Variants in ZNF565 observed in about 807,000 individuals in gnomAD.
The protein encoded by ZNF565 is zinc finger protein 565.
ZNF565 carries 27 observed loss-of-function variants against 39.4 expected under a neutral mutation model. The observed-to-expected ratio is 0.69, with a 90% CI of 0.51 to 0.95. ZNF565 has a LOEUF of 0.95. Among genes scored for constraint, ZNF565 ranks in the 40% least tolerant of loss-of-function variants. ZNF565 has a pLI of 0.00. For synonymous variants in ZNF565, 185 were observed against 216.6 expected, an observed-to-expected ratio of 0.85 and a Z score of 1.28; for missense variants, 524 against 621.1, an observed-to-expected ratio of 0.84 and a Z score of 1.66.
At chr19:36,229,509 GTTT>G (rs1386542141) in intron 1 of ZNF565, among the ~76,000 whole-genome samples, 1 of 152,176 alleles carries the variant, frequency 6.6e-6, no homozygotes, top group South Asian at 2.1e-4. Flanking sequence ...TAGTCCTGCA[GTTT>G]TTTTGCAAAG....
chr19:36,183,544 G>A lies in ZNF565; in HGVS notation c.422C>T (p.Thr141Ile). The A allele has an allele frequency of 1.2e-6, 2 of 1,614,192 alleles. No individual in the cohort carries two copies. The highest frequency in any genetic ancestry group is 2.7e-5 in the African/African-American group (2 of 75,062). Residue 141 changes from threonine (T) to isoleucine (I), a missense_variant, in exon 5 of 5, where the codon ACC (threonine) becomes ATC (isoleucine). Coordinates refer to ENST00000304116, the MANE Select transcript of ZNF565 (RefSeq NM_152477.5). ...EECYFKQVNV[T>I]YGHMPVFQHH... The stretch of plus-strand genomic sequence containing the variant: ...CTGGAACACGGGCATATGTCCATAG[G>A]TGACGTTCACTTGCTTAAAATAGCA...
intron 4 of ZNF565, among the ~76,000 whole-genome samples, chr19:36,185,674 GCTT>G (rs1427792191): frequency 2.0e-5 from 3 of 150,026 alleles, no homozygotes; most frequent in Admixed American, 6.7e-5. Context: ...GCTTTTTGCT[GCTT>G]TTCTCATCCT....
At chr19:36,203,842 G>A (rs998865299) in intron 1 of ZNF565, among the ~76,000 whole-genome samples, 1 of 152,128 alleles carries the variant, frequency 6.6e-6, no homozygotes, top group Non-Finnish European at 1.5e-5. Context: ...CTCCCAAAGT[G>A]TTGGGGTTAG....
At chr19:36,187,793 A>G (rs1199138845) in intron 4 of ZNF565, among the ~76,000 whole-genome samples, 2 of 151,206 alleles carry the variant, frequency 1.3e-5, no homozygotes, top group Non-Finnish European at 2.9e-5. Context: ...GTGTGCCACC[A>G]CGCCTGGCTG....
chr19:36,218,127 CAT>C (rs1415078401), upstream of ZNF565: 3 of 114,032 alleles, frequency 2.6e-5, no homozygotes, highest in Non-Finnish European at 5.3e-5. Context: ...TAAAGGAAGA[CAT>C]AGGCCAAGGA....
chr19:36,228,299 T>A (rs1977172036), intron 1 of ZNF565, among the ~76,000 whole-genome samples: 2 of 152,224 alleles, frequency 1.3e-5, no homozygotes, highest in Non-Finnish European at 2.9e-5. Context: ...GTGCTTTAGT[T>A]CTGATGGGAA....
chr19:36,183,814 C>T (rs1017326452), intron 4 of ZNF565, 81 bp from the exon 5 acceptor site: 8 of 1,282,064 alleles, frequency 6.2e-6, no homozygotes, highest in African/African-American at 3.0e-5. Flanking sequence ...AGGCCAGGCA[C>T]GGTGGCTCAC....
At chr19:36,233,108 G>T (rs1344345924) in intron 1 of ZNF565, among the ~76,000 whole-genome samples, 1 of 152,214 alleles carries the variant, frequency 6.6e-6, no homozygotes, top group Non-Finnish European at 1.5e-5. Flanking sequence ...TCCTGGCCAG[G>T]CGTGGTGGCT....
At position 36,183,480 on chromosome 19, in the gene ZNF565, A is replaced by G. The variant is rs1303389339; in HGVS notation, c.486T>C (p.Thr162=). 28 of 1,614,118 alleles carry G rather than the reference A, an allele frequency of 1.7e-5. No homozygotes were observed. The highest frequency in any genetic ancestry group is 3.3e-5 in the Admixed American group (2 of 59,994). Reference sequence around the variant, plus strand: ...CATGACATTCCATCAGTTTCTCACCAGTCTCCCTGCTCTGACGTACAGTGT... The same window carrying G: ...CATGACATTCCATCAGTTTCTCACCGGTCTCCCTGCTCTGACGTACAGTGT... ...TSHTVRQSRE[T]GEKLMECHEC... is the part of the protein sequence containing the mutation. Residue 162 remains threonine, a synonymous_variant, in exon 5 of 5, where the codon ACT becomes ACC. Transcript: ENST00000304116.
At chr19:36,208,883 A>G (rs1410177812) in intron 1 of ZNF565, among the ~76,000 whole-genome samples, 1 of 152,178 alleles carries the variant, frequency 6.6e-6, no homozygotes, top group African/African-American at 2.4e-5. Flanking sequence ...CTCAGGCTGC[A>G]GTGCAGTGGC....
chr19:36,205,031 A>T (rs1018899532), intron 1 of ZNF565, among the ~76,000 whole-genome samples: 7 of 152,122 alleles, frequency 4.6e-5, no homozygotes, highest in East Asian at 3.9e-4. Flanking sequence ...TGAAAAAACC[A>T]TGAGGGCAAG....
chr19:36,192,780 G>A lies in ZNF565; in HGVS notation c.232+1453C>T, dbSNP rs1023585370. Among the ~76,000 whole-genome samples, 22 of 151,570 alleles carry A rather than the reference G, an allele frequency of 1.5e-4. 1 individual carries two copies. The highest frequency in any genetic ancestry group is 3.9e-4 in the African/African-American group (16 of 41,270). ...GCCTCCCAAAGTGCTGAGATTACAG[G>A]CATGGGCCACTGTGCCCAGCCAATA... On this transcript the variant is annotated intron_variant, in intron 4 of 4. Coordinates refer to ENST00000304116, the MANE Select transcript of ZNF565 (RefSeq NM_152477.5).
chr19:36,194,090 A>G (rs771419519), intron 4 of ZNF565, 143 bp downstream of exon 4: 3 of 574,206 alleles, frequency 5.2e-6, no homozygotes, highest in African/African-American at 1.9e-5. Context: ...TGACGCTAAT[A>G]AAGTCTTTAC....
downstream of ZNF565, chr19:36,182,134 G>A (rs940294659): frequency 1.5e-5 from 3 of 206,658 alleles, no homozygotes; most frequent in African/African-American, 2.3e-5. Context: ...TTACAGGCAT[G>A]AGCCACCACG....
rs1023118580 is a variant in ZNF565, at chr19:36,183,358, G to A, written c.608C>T (p.Ala203Val). 1.9e-6 allele frequency: 3 copies of A among 1,614,096 alleles called. No individual in the cohort carries two copies. Among genetic ancestry groups the A allele is most frequent in the Non-Finnish European group, 8.5e-7 (1 of 1,179,988 alleles). The change falls in exon 5 of 5, where the codon GCC (alanine) becomes GTC (valine). Residue 203 changes from alanine to valine, a missense_variant. Ala to Val is a moderately conservative substitution (Grantham distance 64). Transcript: ENST00000304116. The stretch of plus-strand genomic sequence containing the variant: ...AACAAGGTGTGAGGCACGGCTGAAG[G>A]CCTTCCCACATTCCTTACATCCAAA... ...KPFGCKECGK[A>V]FSRASHLVQH... is the part of the protein sequence containing the mutation.
At chr19:36,241,871 A>G (rs971539053) in intron 1 of ZNF565, among the ~76,000 whole-genome samples, 8 of 143,536 alleles carry the variant, frequency 5.6e-5, no homozygotes, top group Non-Finnish European at 8.9e-5. Flanking sequence ...AACTTAACTC[A>G]AAAGTGTCCA....
upstream of ZNF565, among the ~76,000 whole-genome samples, chr19:36,215,468 A>ATTTGTTCT (rs1976560878): frequency 6.6e-6 from 1 of 152,158 alleles, no homozygotes; most frequent in African/African-American, 2.4e-5. Context: ...GGAGACCAGC[A>ATTTGTTCT]TTGAGGTATA....
At chr19:36,197,399 G>A (rs570699292) in intron 2 of ZNF565, among the ~76,000 whole-genome samples, 4 of 152,170 alleles carry the variant, frequency 2.6e-5, no homozygotes, top group South Asian at 2.1e-4. Context: ...TTGAACCCGC[G>A]AGGTGGAGGT....
chr19:36,224,581 T>A (rs1449211367), intron 1 of ZNF565, among the ~76,000 whole-genome samples: 1 of 152,236 alleles, frequency 6.6e-6, no homozygotes, highest in Non-Finnish European at 1.5e-5. Context: ...TACTTTGTGG[T>A]ATAGCTAGTC....
Sources: gnomAD v4.1 joint callset for allele counts (sites outside exome capture counted in the v4.1 genomes callset) on GRCh38, gnomAD v4.1.1 for gene constraint, MANE v1.5 for transcripts, NCBI Gene and HGNC (gene_info 2026-07-23, HGNC 2026-07-21) for gene names.